IPO8: variants seen among roughly 807,000 people sequenced by gnomAD.
IPO8 encodes the protein importin-8.
A neutral mutation model predicts 141.2 loss-of-function variants in IPO8; 65 were observed. The observed-to-expected ratio is 0.46, with a 90% CI of 0.38 to 0.57. The LOEUF (loss-of-function observed/expected upper bound fraction) is 0.57. Among genes scored for constraint, IPO8 ranks in the 20% least tolerant of loss-of-function variants. The probability of loss-of-function intolerance (pLI) is 0.00; values close to 1 mark genes in which losing one functional copy is unlikely to be tolerated. For synonymous variants in IPO8, 411 were observed against 420.3 expected, an observed-to-expected ratio of 0.98 and a Z score of 0.27; for missense variants, 980 against 1,246.8, an observed-to-expected ratio of 0.79 and a Z score of 3.22.
chr12:30,674,573 G>A, intron 7 of IPO8, 86 bp downstream of exon 7: 1 of 966,154 alleles, frequency 1.0e-6, no homozygotes, highest in Non-Finnish European at 1.7e-6. Context: ...GTGACTCTTG[G>A]CTCTCGGTGG....
chr12:30,636,754 C>T (rs1440227559), intron 22 of IPO8, among the ~76,000 whole-genome samples: 1 of 151,632 alleles, frequency 6.6e-6, no homozygotes, highest in Non-Finnish European at 1.5e-5. Flanking sequence ...TATTAGGCTC[C>T]ATAAAAAAAA....
rs111305705 is a variant in IPO8 at position 30,636,633 on chromosome 12, C to T, written c.2695+349G>A. On this transcript the variant is annotated intron_variant, in intron 22 of 24. Coordinates refer to ENST00000256079, the MANE Select transcript of IPO8 (RefSeq NM_006390.4). The stretch of plus-strand genomic sequence containing the variant: ...TAATGATTCATTTAACTCATGGCTA[C>T]TGCCTTGATGAGGCTGTTAGCACAA... Among the ~76,000 whole-genome samples the T allele has an allele frequency of 9.6e-3, 1,454 of 152,236 alleles. 18 individuals carry two copies. Among genetic ancestry groups the T allele is most frequent in the African/African-American group, 0.033 (1,383 of 41,522 alleles).
intron 16 of IPO8, 131 bp downstream of exon 16, chr12:30,661,010 G>T: frequency 2.2e-6 from 1 of 450,046 alleles, no homozygotes; most frequent in Non-Finnish European, 3.7e-6. Flanking sequence ...AAAATGTGAG[G>T]GCAATTTTTA....
intron 10 of IPO8, among the ~76,000 whole-genome samples, chr12:30,668,780 G>T (rs1202067265): frequency 6.6e-6 from 1 of 152,198 alleles, no homozygotes; most frequent in Non-Finnish European, 1.5e-5. Context: ...GGAACACTTA[G>T]TCTCTCAGAC....
At chr12:30,657,966 G>A (rs1463840074) in intron 16 of IPO8, among the ~76,000 whole-genome samples, 1 of 152,118 alleles carries the variant, frequency 6.6e-6, no homozygotes, top group African/African-American at 2.4e-5. Context: ...GGAGTTGAGT[G>A]AGAAGGTAAA....
In IPO8 at chr12:30,684,365, T is replaced by G. The variant is rs1176690416; in HGVS notation, c.259A>C (p.Asn87His). ...EAIFPFNIHE[N>H]DRQQIRDNIV... is the part of the protein sequence containing the mutation. ...TTATCACGTATTTGCTGGCGATCGT[T>G]TTCGTGAATGTTGAATGGAAATATT... is the stretch of plus-strand genomic sequence containing the variant. The change falls in exon 3 of 25, where the codon AAC becomes CAC. Residue 87 changes from asparagine to histidine, a missense_variant. Asn to His is a moderately conservative substitution (Grantham distance 68, BLOSUM62 1). This residue lies in a region of IPO8 where 924 missense variants were observed against 1,153.9 expected (regional missense o/e 0.80). Transcript: ENST00000256079. The G allele has an allele frequency of 6.2e-7, 1 of 1,614,156 alleles. No individual in the cohort carries two copies. Among genetic ancestry groups the G allele is most frequent in the Admixed American group, 1.7e-5 (1 of 60,024 alleles).
At chr12:30,640,546 T>C (rs2052562044) in intron 20 of IPO8, among the ~76,000 whole-genome samples, 1 of 152,166 alleles carries the variant, frequency 6.6e-6, no homozygotes, top group Non-Finnish European at 1.5e-5. Flanking sequence ...CATAAAGCTC[T>C]CTACAAAGAT....
intron 21 of IPO8, among the ~76,000 whole-genome samples, chr12:30,637,693 C>T (rs921398899): frequency 2.6e-5 from 4 of 151,874 alleles, no homozygotes; most frequent in Non-Finnish European, 4.4e-5. Flanking sequence ...CTACTAAACT[C>T]CTGTGCTATA....
intron 1 of IPO8, among the ~76,000 whole-genome samples, chr12:30,694,018 T>C (rs879687322): frequency 6.6e-6 from 1 of 152,172 alleles, no homozygotes; most frequent in Non-Finnish European, 1.5e-5. Context: ...ACTGTACTTA[T>C]ATACTGATGA....
intron 17 of IPO8, among the ~76,000 whole-genome samples, chr12:30,653,542 A>G (rs11051011): frequency 0.01 from 1,554 of 152,154 alleles, 35 homozygotes; most frequent in East Asian, 0.083. Context: ...TTTACTAACA[A>G]CTATATACTG....
At chr12:30,675,083 T>C (rs2053101738) in intron 6 of IPO8, among the ~76,000 whole-genome samples, 1 of 152,242 alleles carries the variant, frequency 6.6e-6, no homozygotes, top group African/African-American at 2.4e-5. Flanking sequence ...CACAAGTGTA[T>C]GTCAAAATTC....
chr12:30,645,354 C>A, intron 20 of IPO8, among the ~76,000 whole-genome samples: 1 of 144,674 alleles, frequency 6.9e-6, no homozygotes. Flanking sequence ...GCCTGGGTAA[C>A]ACAGCAAGAC....
chr12:30,635,333 T>C (rs2052487065), intron 22 of IPO8, among the ~76,000 whole-genome samples: 1 of 152,072 alleles, frequency 6.6e-6, no homozygotes, highest in Non-Finnish European at 1.5e-5. Context: ...GTTCCCACCA[T>C]TAAAAAGGGT....
chr12:30,685,527 T>C (rs1401740064), intron 2 of IPO8, among the ~76,000 whole-genome samples: 1 of 150,692 alleles, frequency 6.6e-6, no homozygotes. Flanking sequence ...TGTGTGTGTG[T>C]GTAAAGAATA....
At chr12:30,680,275 G>A in intron 5 of IPO8, 1 of 435,014 alleles carries the variant, frequency 2.3e-6, no homozygotes, top group Non-Finnish European at 4.0e-6. Context: ...TCAGACACTG[G>A]AGTGAAAAGC....
chr12:30,668,412 C>G (rs2052998974), intron 10 of IPO8, among the ~76,000 whole-genome samples: 1 of 152,132 alleles, frequency 6.6e-6, no homozygotes, highest in Non-Finnish European at 1.5e-5. Context: ...TTTCAGCACG[C>G]AGCGCTAGAT....
chr12:30,680,827 A>G (rs532178977), intron 4 of IPO8, among the ~76,000 whole-genome samples, 189 bp from the exon 5 acceptor site: 22 of 152,232 alleles, frequency 1.4e-4, no homozygotes, highest in Non-Finnish European at 5.9e-5. Context: ...TGTTTTAGGC[A>G]CAACACCTAA....
intron 17 of IPO8, among the ~76,000 whole-genome samples, chr12:30,655,603 C>T (rs181352644): frequency 1.3e-5 from 2 of 152,280 alleles, no homozygotes; most frequent in Admixed American, 1.3e-4. Context: ...CTTGTGGTAT[C>T]TGTCTTTCTG....
intron 20 of IPO8, among the ~76,000 whole-genome samples, chr12:30,642,649 T>C (rs570217555): frequency 6.6e-6 from 1 of 151,172 alleles, no homozygotes; most frequent in East Asian, 1.9e-4. Flanking sequence ...GTACATATTA[T>C]ATATATACAC....
Sources: gnomAD v4.1 joint callset for allele counts (sites outside exome capture counted in the v4.1 genomes callset) on GRCh38, gnomAD v4.1.1 for gene constraint, gnomAD v4.1.1 regional missense constraint, MANE v1.5 for transcripts, NCBI Gene and HGNC (gene_info 2026-07-23, HGNC 2026-07-21) for gene names.